SLC39A6: variants seen among roughly 807,000 people sequenced by gnomAD.
SLC39A6 encodes the protein zinc transporter ZIP6.
SLC39A6 carries 51 observed loss-of-function variants against 63.5 expected under a neutral mutation model. That is an observed-to-expected ratio of 0.80 (90% CI 0.64 to 1.01). The LOEUF is 1.01. Ranked by LOEUF, SLC39A6 falls within the 50% of genes least tolerant of loss-of-function variation. The pLI, the probability that SLC39A6 is intolerant of heterozygous loss-of-function variation, is 0.00. For synonymous variants in SLC39A6, 318 were observed against 324.7 expected (o/e 0.98, Z 0.22); for missense variants, 805 against 927.8 (o/e 0.87, Z 1.72).
rs779934022 is a variant in SLC39A6 at position 36,122,158 on chromosome 18, A to G, written c.1253T>C (p.Phe418Ser). The G allele has an allele frequency of 1.2e-6, 2 of 1,613,998 alleles. No homozygotes were observed. Among genetic ancestry groups the G allele is most frequent in the African/African-American group, 2.7e-5 (2 of 74,928 alleles). ...TGTTAGACCCTTCCACGTGGAATCA[A>G]AATAGGCACTTTCTTCTATGTTTTG... is the stretch of plus-strand genomic sequence containing the variant. ...SSQNIEESAY[F>S]DSTWKGLTAL... Residue 418 changes from phenylalanine to serine, a missense_variant, in exon 5 of 10, where the codon TTT becomes TCT. By Grantham distance (155) the Phe-to-Ser change is radical. Transcript: ENST00000269187.
Position 36,114,362 on chromosome 18 carries a change from T to G in SLC39A6, c.1578A>C (p.Glu526Asp). ...CTCTGGGTACATATTCATTGTAGAC[T>G]TCCTGTGGATGAGCATGAGCTATCA... The part of the protein sequence containing the change: ...EVMIAHAHPQ[E>D]VYNEYVPRGC... Residue 526 changes from glutamate to aspartate, a missense_variant, in exon 7 of 10, where the codon GAA becomes GAC. Transcript: ENST00000269187. The G allele has an allele frequency of 6.2e-7, 1 of 1,614,240 alleles. No homozygotes were observed. Among genetic ancestry groups the G allele is most frequent in the Non-Finnish European group, 8.5e-7 (1 of 1,180,034 alleles).
At chr18:36,110,402 C>T (rs1165090989) in intron 9 of SLC39A6, among the ~76,000 whole-genome samples, 1 of 122,924 alleles carries the variant, frequency 8.1e-6, no homozygotes, top group Non-Finnish European at 1.6e-5. Flanking sequence ...AATCTGGACA[C>T]ATATTAAGCA....
chr18:36,112,591 A>C lies in SLC39A6; in HGVS notation c.1844-10T>G. ...TCAGTAAAAGCAGCACCTGTGTAAAAATCAATCAGAAAAAGTTTGGCTACA... is the reference window on the plus strand; with the variant it reads ...TCAGTAAAAGCAGCACCTGTGTAAACATCAATCAGAAAAAGTTTGGCTACA... On this transcript the variant is annotated splice_polypyrimidine_tract_variant and intron_variant, in intron 7 of 9. Coordinates refer to ENST00000269187, the MANE Select transcript of SLC39A6 (RefSeq NM_012319.4). 6.2e-7 allele frequency: 1 copy of C among 1,607,568 alleles called. No homozygotes were observed. Among genetic ancestry groups the C allele is most frequent in the African/African-American group, 1.3e-5 (1 of 74,896 alleles).
intron 6 of SLC39A6, 118 bp from the exon 7 acceptor site, chr18:36,114,592 A>G: frequency 3.0e-6 from 2 of 661,812 alleles, no homozygotes; most frequent in East Asian, 2.7e-5. Context: ...TAACTCCTTC[A>G]TATCTGCAGA....
rs17648664 is a variant in SLC39A6 at position 36,119,717 on chromosome 18, A to G, written c.1359+2335T>C. The stretch of plus-strand genomic sequence containing the variant: ...GTCCTAGGTTAAAGAGGGCTAAGTT[A>G]AAGAAAAGCTATCCTTAGCTGGGCA... On this transcript the variant is annotated intron_variant, in intron 5 of 9. Coordinates refer to ENST00000269187, the MANE Select transcript of SLC39A6 (RefSeq NM_012319.4). Among the ~76,000 whole-genome samples the G allele has an allele frequency of 6.7e-3, 1,019 of 152,214 alleles. 12 individuals are homozygous for G. The highest frequency in any genetic ancestry group is 0.023 in the African/African-American group (971 of 41,534).
chr18:36,115,265 C>A (rs1381560204), intron 6 of SLC39A6, among the ~76,000 whole-genome samples: 1 of 152,008 alleles, frequency 6.6e-6, no homozygotes. Context: ...CATGGTGAAA[C>A]CCCGTCTCTA....
At chr18:36,118,236 C>T (rs539959791) in intron 5 of SLC39A6, among the ~76,000 whole-genome samples, 1 of 152,202 alleles carries the variant, frequency 6.6e-6, no homozygotes. Context: ...GTATTAAGGG[C>T]CCACAGTGTT....
At chr18:36,115,285 C>T (rs2089334808) in intron 6 of SLC39A6, among the ~76,000 whole-genome samples, 1 of 151,250 alleles carries the variant, frequency 6.6e-6, no homozygotes, top group Non-Finnish European at 1.5e-5. Context: ...ACTAAAAATA[C>T]AAAAAAAATA....
At position 36,122,231 on chromosome 18, in the gene SLC39A6, G is replaced by A. The variant is rs764696183; in HGVS notation, c.1180C>T (p.Pro394Ser). Reference sequence around the variant, plus strand: ...GGTCCTCTTTTCATTTCCATTGCTGGTTCTTCATGGCTATGACTATGGTGG... The same window carrying A: ...GGTCCTCTTTTCATTTCCATTGCTGATTCTTCATGGCTATGACTATGGTGG... Reference protein sequence around the residue: ...SHHHSHSHEEPAMEMKRGPLF... With the variant: ...SHHHSHSHEESAMEMKRGPLF... Residue 394 changes from proline (P) to serine (S), a missense_variant, in exon 5 of 10, where the codon CCA becomes TCA. Physicochemically the swap from Pro to Ser is moderately conservative, Grantham distance 74 (BLOSUM62 -1). Coordinates refer to ENST00000269187, the MANE Select transcript of SLC39A6 (RefSeq NM_012319.4). 4 of 1,614,004 alleles carry A rather than the reference G, an allele frequency of 2.5e-6. No individual in the cohort carries two copies. The highest frequency in any genetic ancestry group is 3.3e-5 in the Admixed American group (2 of 60,006).
At chr18:36,110,311 C>A (rs752020128) in intron 9 of SLC39A6, among the ~76,000 whole-genome samples, 1 of 151,362 alleles carries the variant, frequency 6.6e-6, no homozygotes, top group Non-Finnish European at 1.5e-5. Context: ...AGACTTCCTA[C>A]AAATCTATAG....
intron 2 of SLC39A6, among the ~76,000 whole-genome samples, chr18:36,125,184 G>A (rs1276201120): frequency 1.3e-5 from 2 of 152,052 alleles, no homozygotes; most frequent in African/African-American, 4.8e-5. Flanking sequence ...GCAAAGTAAT[G>A]CTCTGCAATG....
At chr18:36,112,137 T>C (rs1303979638) in intron 8 of SLC39A6, among the ~76,000 whole-genome samples, 1 of 152,192 alleles carries the variant, frequency 6.6e-6, no homozygotes, top group Non-Finnish European at 1.5e-5. Context: ...CAGCGGTATG[T>C]GTGTGAATAT....
chr18:36,123,794 A>T, intron 3 of SLC39A6, 130 bp from the exon 4 acceptor site: 1 of 837,464 alleles, frequency 1.2e-6, no homozygotes, highest in Non-Finnish European at 1.8e-6. Flanking sequence ...ATTCAATGCA[A>T]ATAGGACCTA....
Position 36,114,388 on chromosome 18 carries a change from T to G in SLC39A6, c.1552A>C (p.Met518Leu), listed in dbSNP as rs2089326670. The G allele has an allele frequency of 1.2e-6, 2 of 1,614,258 alleles. No homozygotes were observed. Among genetic ancestry groups the G allele is most frequent in the Middle Eastern group, 1.6e-4 (1 of 6,062 alleles). Residue 518 changes from methionine to leucine, a missense_variant, in exon 7 of 10, where the codon ATG (methionine) becomes CTG (leucine). Physicochemically the swap from Met to Leu is conservative, Grantham distance 15 (BLOSUM62 2). Around this residue, in one of 4 missense-constraint regions of SLC39A6, gnomAD observed 639 missense variants for 644.0 expected, o/e 0.99. Coordinates refer to ENST00000269187, the MANE Select transcript of SLC39A6 (RefSeq NM_012319.4). ...TCCTGTGGATGAGCATGAGCTATCATGACCTCTTCTTCTTCCAAGACTGCA... is the reference window on the plus strand; with the variant it reads ...TCCTGTGGATGAGCATGAGCTATCAGGACCTCTTCTTCTTCCAAGACTGCA... ...QPAVLEEEEV[M>L]IAHAHPQEVY...
intron 6 of SLC39A6, 74 bp from the exon 7 acceptor site, chr18:36,114,548 A>C: frequency 7.5e-6 from 9 of 1,194,966 alleles, no homozygotes; most frequent in African/African-American, 1.5e-5. Context: ...TTCAAACCTC[A>C]TTGAAAAAGT....
chr18:36,114,944 C>G (rs2089331847), intron 6 of SLC39A6, among the ~76,000 whole-genome samples: 1 of 152,142 alleles, frequency 6.6e-6, no homozygotes, highest in Non-Finnish European at 1.5e-5. Context: ...AAGGAAAAAA[C>G]AGAGAATCCG....
chr18:36,111,548 G>A (rs1240696361), intron 8 of SLC39A6, among the ~76,000 whole-genome samples: 1 of 143,934 alleles, frequency 6.9e-6, no homozygotes, highest in Non-Finnish European at 1.5e-5. Context: ...CAGTGGCACC[G>A]ATCTTGGCTC....
At chr18:36,118,094 A>T (rs1028193515) in intron 5 of SLC39A6, among the ~76,000 whole-genome samples, 1 of 152,068 alleles carries the variant, frequency 6.6e-6, no homozygotes, top group Non-Finnish European at 1.5e-5. Flanking sequence ...ATAATGCCTC[A>T]ATCAGAGAAA....
chr18:36,111,004 A>T (rs2089295374), intron 9 of SLC39A6, 55 bp downstream of exon 9: 2 of 1,596,770 alleles, frequency 1.3e-6, no homozygotes, highest in African/African-American at 2.7e-5. Context: ...TTTACCGAAT[A>T]TTTTCTCTAT....
Sources: allele counts gnomAD v4.1 joint callset (sites outside exome capture counted in the v4.1 genomes callset), GRCh38; gene constraint gnomAD v4.1.1; regional missense constraint gnomAD v4.1.1; transcripts MANE v1.5; gene names NCBI Gene and HGNC (gene_info 2026-07-23, HGNC 2026-07-21).